The following PPP1R3F variants were observed in gnomAD, a reference collection of about 807,000 sequenced individuals.
PPP1R3F encodes the protein protein phosphatase 1, regulatory (inhibitor) subunit 3F.
Under a neutral mutation model 24.2 loss-of-function variants are expected in PPP1R3F, and 29 were observed. The ratio of observed to expected loss-of-function variants is 1.20; its 90% CI spans 0.89 to 1.63. The LOEUF is 1.63. Among genes scored for constraint, PPP1R3F ranks in the 40% most tolerant of loss-of-function variants. PPP1R3F has a pLI of 0.00. For missense variants in PPP1R3F, 823 were observed against 729.3 expected (o/e 1.13, Z -1.48); for synonymous variants, 363 against 340.1 (o/e 1.07, Z -0.74).
rs1235329599 is a variant in PPP1R3F at position 49,279,206 on chromosome X, G to A, written c.1005-2200G>A. 5.4e-5 allele frequency among the ~76,000 whole-genome samples: 6 copies of A among 110,613 alleles called. No individual in the cohort carries two copies. The East Asian group carries it at 1.7e-3, about 31-fold the overall frequency. On this transcript the variant is annotated intron_variant, in intron 1 of 3. Coordinates refer to ENST00000055335, the MANE Select transcript of PPP1R3F (RefSeq NM_033215.5). The stretch of plus-strand genomic sequence containing the variant: ...GGAGTTCACGACCAGCCTGGTCAAC[G>A]TAGGAAGACCCCATCTCTAAAAACA...
intron 1 of PPP1R3F, among the ~76,000 whole-genome samples, chrX:49,271,570 G>T (rs1363127440): frequency 8.9e-6 from 1 of 112,465 alleles, no homozygotes; most frequent in African/African-American, 3.2e-5. Flanking sequence ...CCAGTGGGGG[G>T]TAGAGCAGAT....
Position 49,270,747 on chromosome X carries a change from C to A in PPP1R3F, c.878C>A (p.Pro293His). The A allele has an allele frequency of 2.5e-6, 3 of 1,203,290 alleles. No homozygotes were observed. The highest frequency in any genetic ancestry group is 3.4e-6 in the Non-Finnish European group (3 of 891,472). The change falls in exon 1 of 4, where the codon CCC becomes CAC. Residue 293 changes from proline to histidine, a missense_variant. Coordinates refer to ENST00000055335, the MANE Select transcript of PPP1R3F (RefSeq NM_033215.5). The part of the protein sequence containing the change: ...VLLRIAPAPT[P>H]TDAEGLPQQQ... ...CTCCGGATCGCACCCGCTCCCACAC[C>A]CACTGATGCCGAAGGGCTGCCCCAG...
intron 3 of PPP1R3F, among the ~76,000 whole-genome samples, chrX:49,284,509 C>CTTTTTTTTTTTTTTTTTTTTTTTTTT (rs145170789): frequency 7.9e-5 from 4 of 50,854 alleles, no homozygotes; most frequent in Admixed American, 2.7e-4. Context: ...CTTTTTCTTT[C>CTTTTTTTTTTTTTTTTTTTTTTTTTT]TTTTTTTTTT....
At chrX:49,279,024 A>G (rs2066231192) in intron 1 of PPP1R3F, among the ~76,000 whole-genome samples, 1 of 112,383 alleles carries the variant, frequency 8.9e-6, no homozygotes, top group Non-Finnish European at 1.9e-5. Context: ...CCTCTGTAAA[A>G]TGGAGACAAT....
At chrX:49,275,759 G>T (rs2066208534) in intron 1 of PPP1R3F, 1 of 111,982 alleles carries the variant, frequency 8.9e-6, no homozygotes, top group Non-Finnish European at 1.9e-5. Context: ...ATAAATGTTT[G>T]TTGAAATAAT....
chrX:49,297,654 C>G (rs1261820780), intron 3 of PPP1R3F, among the ~76,000 whole-genome samples: 1 of 111,000 alleles, frequency 9.0e-6, no homozygotes, highest in Non-Finnish European at 1.9e-5. Context: ...TGACCAAGAA[C>G]TTGCTTTATA....
In PPP1R3F at chrX:49,286,562, A is replaced by G; in HGVS notation, c.1872A>G (p.Ser624=). The change falls in exon 4 of 4, where the codon TCA becomes TCG. Residue 624 remains serine (S), a synonymous_variant. Coordinates refer to ENST00000055335, the MANE Select transcript of PPP1R3F (RefSeq NM_033215.5). ...TGTGGCTCCCATGGGCAGAGGGCTC[A>G]GGATGTGACGGCCCTGTGGTTCTGG... ...GDVWLPWAEG[S]GCDGPVVLGT... is the part of the protein sequence containing the mutation. 4.1e-6 allele frequency: 5 copies of G among 1,211,647 alleles called. No individual in the cohort carries two copies. In the South Asian group the frequency reaches 8.8e-5, roughly 21 times the overall value.
Position 49,281,440 on chromosome X carries a change from G to C in PPP1R3F, c.1039G>C (p.Asp347His). Reference protein sequence around the residue: ...AEEELKTKNMDDNTFAMAEHP... With the variant: ...AEEELKTKNMHDNTFAMAEHP... Reference sequence around the variant, plus strand: ...GGAGGAACTGAAGACGAAGAACATGGATGATAACACCTTTGCCATGGGTAA... The same window carrying C: ...GGAGGAACTGAAGACGAAGAACATGCATGATAACACCTTTGCCATGGGTAA... The change falls in exon 2 of 4, where the codon GAT (aspartate) becomes CAT (histidine). Residue 347 changes from aspartate (D) to histidine (H), a missense_variant. Transcript: ENST00000055335. The C allele has an allele frequency of 1.7e-6, 2 of 1,208,757 alleles. No homozygotes were observed. The highest frequency in any genetic ancestry group is 2.2e-6 in the Non-Finnish European group (2 of 893,114).
At position 49,287,270 on chromosome X, in the gene PPP1R3F, T is replaced by C; in HGVS notation, c.*180T>C. Reference sequence around the variant, plus strand: ...CAGTGGAGATGAGGGAACGGGTAGATGGTGTGAGTGAGGGGAACTTTTAGA... The same window carrying C: ...CAGTGGAGATGAGGGAACGGGTAGACGGTGTGAGTGAGGGGAACTTTTAGA... On this transcript the variant is annotated 3_prime_UTR_variant, in exon 4 of 4. Transcript: ENST00000055335. 2.2e-6 allele frequency: 1 copy of C among 447,794 alleles called. No individual in the cohort carries two copies. The highest frequency in any genetic ancestry group is 3.8e-6 in the Non-Finnish European group (1 of 266,177). The allele number at this position is 447,794 out of a possible 1,213,427, so 36.9% of individuals were successfully genotyped here.
At chrX:49,294,787 G>A (rs782246681) in intron 3 of PPP1R3F, among the ~76,000 whole-genome samples, 7 of 108,645 alleles carry the variant, frequency 6.4e-5, no homozygotes, top group African/African-American at 1.7e-4. Context: ...GCAGGCGCCT[G>A]TAGTCCCAGC....
rs1557121512 is a variant in PPP1R3F at position 49,286,302 on chromosome X, T to G, written c.1612T>G (p.Trp538Gly). Residue 538 changes from tryptophan (W) to glycine (G), a missense_variant, in exon 4 of 4, where the codon TGG (tryptophan) becomes GGG (glycine). Trp to Gly is a radical substitution (Grantham distance 184, BLOSUM62 -2). Transcript: ENST00000055335. The stretch of plus-strand genomic sequence containing the variant: ...GACGGACCGCGACCTGATCTTGAAG[T>G]GGCCTGGCCCTGAGCGGGCCCTGAA... ...ILTDRDLILK[W>G]PGPERALNSA... is the part of the protein sequence containing the mutation. 8.3e-7 allele frequency: 1 copy of G among 1,209,472 alleles called. No homozygotes were observed. The highest frequency in any genetic ancestry group is 1.1e-6 in the Non-Finnish European group (1 of 894,754).
intron 2 of PPP1R3F, 60 bp downstream of exon 2, chrX:49,281,521 T>C: frequency 3.1e-6 from 3 of 977,211 alleles, no homozygotes; most frequent in South Asian, 2.1e-5. Context: ...TTCTTCCTAC[T>C]GTTTTTCTTT....
At position 49,286,555 on chromosome X, in the gene PPP1R3F, A is replaced by C. The variant is rs1557121591; in HGVS notation, c.1865A>C (p.Glu622Ala). 1 of 1,211,505 alleles carries C rather than the reference A, an allele frequency of 8.3e-7. No homozygotes were observed. ...TMGDVWLPWA[E>A]GSGCDGPVVL... ...GGAGATGTGTGGCTCCCATGGGCAGAGGGCTCAGGATGTGACGGCCCTGTG... is the reference window on the plus strand; with the variant it reads ...GGAGATGTGTGGCTCCCATGGGCAGCGGGCTCAGGATGTGACGGCCCTGTG... Residue 622 changes from glutamate (E) to alanine (A), a missense_variant, in exon 4 of 4, where the codon GAG (glutamate) becomes GCG (alanine). Glu to Ala is a moderately radical substitution (Grantham distance 107, BLOSUM62 -1). Transcript: ENST00000055335.
intron 1 of PPP1R3F, among the ~76,000 whole-genome samples, chrX:49,276,728 C>T (rs1258806054): frequency 1.8e-5 from 2 of 111,900 alleles, no homozygotes; most frequent in Non-Finnish European, 3.8e-5. Context: ...CGAGAAACTG[C>T]TCTCCCTCTA....
chrX:49,284,942 T>A (rs782215388), intron 3 of PPP1R3F, among the ~76,000 whole-genome samples: 3 of 111,794 alleles, frequency 2.7e-5, no homozygotes, highest in Non-Finnish European at 5.6e-5. Context: ...TTTCAAAAGA[T>A]GGAGCTAGGA....
chrX:49,282,443 CTGTGTGTGTGTGTGTGTGTG>C (rs545507997), intron 3 of PPP1R3F, among the ~76,000 whole-genome samples: 26 of 73,929 alleles, frequency 3.5e-4, no homozygotes, highest in African/African-American at 9.7e-4. Context: ...GTGAGAGACT[CTGTGTGTGTGTGTGTGTGTG>C]TGTGTGTGTG....
rs781935488 is a variant in PPP1R3F at position 49,287,512 on chromosome X, A to G, written c.*422A>G. ...TATGCCACAATAGAGCTCTATGAGA[A>G]ACAGTGTCTTGCGGTGTAGTGTTCT... is the stretch of plus-strand genomic sequence containing the variant. On this transcript the variant is annotated 3_prime_UTR_variant, in exon 4 of 4. Transcript: ENST00000055335. 1.8e-4 allele frequency: 22 copies of G among 124,878 alleles called. No homozygotes were observed. Among genetic ancestry groups the G allele is most frequent in the Non-Finnish European group, 3.6e-4 (22 of 61,393 alleles). The allele number at this position is 124,878 out of a possible 1,213,427, so 10.3% of individuals were successfully genotyped here.
chrX:49,284,492 C>T (rs1431928925), intron 3 of PPP1R3F, among the ~76,000 whole-genome samples: 19 of 65,315 alleles, frequency 2.9e-4, no homozygotes, highest in East Asian at 8.3e-4. Context: ...CTCTTTCTTT[C>T]TTTTTTCTTT....
Position 49,270,818 on chromosome X carries a change from C to T in PPP1R3F, c.949C>T (p.Pro317Ser). 2.5e-6 allele frequency: 3 copies of T among 1,190,210 alleles called. No individual in the cohort carries two copies. Among genetic ancestry groups the T allele is most frequent in the Non-Finnish European group, 1.1e-6 (1 of 884,649 alleles). The change falls in exon 1 of 4, where the codon CCC (proline) becomes TCC (serine). Residue 317 changes from proline (P) to serine (S), a missense_variant. Coordinates refer to ENST00000055335, the MANE Select transcript of PPP1R3F (RefSeq NM_033215.5). ...QLEPQPECQG[P>S]VEAEARQLKS... The stretch of plus-strand genomic sequence containing the variant: ...GGAGCCACAGCCCGAGTGCCAGGGT[C>T]CCGTGGAGGCTGAGGCCAGGCAGCT...
Sources: gnomAD v4.1 joint callset for allele counts (sites outside exome capture counted in the v4.1 genomes callset) on GRCh38, gnomAD v4.1.1 for gene constraint, MANE v1.5 for transcripts, NCBI Gene and HGNC (gene_info 2026-07-23, HGNC 2026-07-21) for gene names.